The following BRMS1L variants were observed in gnomAD, a reference collection of about 807,000 sequenced individuals.
BRMS1L encodes the protein BRMS1 like transcriptional repressor.
A neutral mutation model predicts 50.3 loss-of-function variants in BRMS1L; 23 were observed. The ratio of observed to expected loss-of-function variants is 0.46; its 90% CI spans 0.33 to 0.65. The LOEUF is 0.65. Ranked by LOEUF, BRMS1L falls within the 30% of genes least tolerant of loss-of-function variation. The pLI is 0.02. For missense variants in BRMS1L, 286 were observed against 386.1 expected, an observed-to-expected ratio of 0.74 and a Z score of 2.17; for synonymous variants, 114 against 126.9, an observed-to-expected ratio of 0.90 and a Z score of 0.69.
chr14:35,863,733 A>C, intron 5 of BRMS1L, 137 bp from the exon 6 acceptor site: 1 of 673,842 alleles, frequency 1.5e-6, no homozygotes, highest in Non-Finnish European at 2.6e-6. Flanking sequence ...TGTACAGCTT[A>C]ATCTATATAT....
At chr14:35,862,564 T>G in intron 4 of BRMS1L, 26 bp from the exon 5 acceptor site, 1 of 1,510,880 alleles carries the variant, frequency 6.6e-7, no homozygotes, top group Non-Finnish European at 8.9e-7. Context: ...TCTTTCTACT[T>G]AAGTATAATC....
At chr14:35,868,105 C>T in intron 9 of BRMS1L, 73 bp downstream of exon 9, 1 of 1,449,278 alleles carries the variant, frequency 6.9e-7, no homozygotes, top group Non-Finnish European at 9.2e-7. Flanking sequence ...GAAATATTTC[C>T]TGCCTCCATA....
intron 4 of BRMS1L, among the ~76,000 whole-genome samples, chr14:35,854,934 G>A (rs1051084069): frequency 2.0e-5 from 3 of 152,232 alleles, no homozygotes; most frequent in Non-Finnish European, 4.4e-5. Context: ...AGTACATAGA[G>A]GTCATGCTTG....
At chr14:35,843,292 TG>T (rs2078090334) in intron 4 of BRMS1L, among the ~76,000 whole-genome samples, 1 of 152,230 alleles carries the variant, frequency 6.6e-6, no homozygotes, top group South Asian at 2.1e-4. Flanking sequence ...CTTTTTGCAC[TG>T]GTTTTTCCTC....
intron 6 of BRMS1L, among the ~76,000 whole-genome samples, chr14:35,864,417 C>T (rs1257228952): frequency 1.3e-5 from 2 of 151,976 alleles, no homozygotes; most frequent in African/African-American, 2.4e-5. Context: ...ACGTGCCACT[C>T]GCCTGGCTAA....
chr14:35,831,328 G>T, intron 1 of BRMS1L, 82 bp from the exon 2 acceptor site: 1 of 931,440 alleles, frequency 1.1e-6, no homozygotes, highest in Non-Finnish European at 1.7e-6. Context: ...CTTCCTATTT[G>T]AATTACGTTC....
chr14:35,839,058 G>A (rs2078029034), intron 4 of BRMS1L, among the ~76,000 whole-genome samples: 1 of 152,312 alleles, frequency 6.6e-6, no homozygotes, highest in Non-Finnish European at 1.5e-5. Context: ...TAAGGTATAA[G>A]GAAGGGGTCC....
rs757187388 is a variant in BRMS1L at position 35,834,932 on chromosome 14, A to C, written c.441+9A>C. ...CTCGCCAGCATTGTGAGGTACTGTC[A>C]TTTTGCATAACTTTTAAGCTAATTT... On this transcript the variant is annotated intron_variant, in intron 4 of 9. Transcript: ENST00000216807. 4 of 1,577,636 alleles carry C rather than the reference A, an allele frequency of 2.5e-6. No homozygotes were observed. The highest frequency in any genetic ancestry group is 3.4e-6 in the Non-Finnish European group (4 of 1,162,766).
intron 4 of BRMS1L, among the ~76,000 whole-genome samples, chr14:35,845,596 A>G (rs183682862): frequency 1.3e-5 from 2 of 152,324 alleles, no homozygotes; most frequent in East Asian, 1.9e-4. Context: ...TTAATTGTCA[A>G]TTCTCATACT....
intron 4 of BRMS1L, among the ~76,000 whole-genome samples, chr14:35,847,590 A>G (rs1198242527): frequency 3.3e-5 from 5 of 152,344 alleles, no homozygotes; most frequent in African/African-American, 1.2e-4. Flanking sequence ...ACCATTTGAG[A>G]TTTGGAGGCC....
Position 35,828,177 on chromosome 14 carries a change from T to G in BRMS1L, c.142+1519T>G, listed in dbSNP as rs568942348. Reference sequence around the variant, plus strand: ...ATTTCAGACATGTTGCTTTTTTTTTTCTTTTCTCTCTTTGAGATGGAGTCT... The same window carrying G: ...ATTTCAGACATGTTGCTTTTTTTTTGCTTTTCTCTCTTTGAGATGGAGTCT... On this transcript the variant is annotated intron_variant, in intron 1 of 9. Coordinates refer to ENST00000216807, the MANE Select transcript of BRMS1L (RefSeq NM_032352.4). 4.6e-5 allele frequency among the ~76,000 whole-genome samples: 7 copies of G among 152,240 alleles called. No homozygotes were observed. In the South Asian group the frequency reaches 1.2e-3, roughly 27 times the overall value.
At chr14:35,863,984 TC>T (rs35927985) in intron 6 of BRMS1L, 31 bp downstream of exon 6, 88 of 1,576,854 alleles carry the variant, frequency 5.6e-5, no homozygotes, top group Non-Finnish European at 7.1e-5. Context: ...TGTTTTTTTT[TC>T]CTTGATGTGC....
At chr14:35,848,125 T>C (rs1355031261) in intron 4 of BRMS1L, among the ~76,000 whole-genome samples, 1 of 152,224 alleles carries the variant, frequency 6.6e-6, no homozygotes, top group Non-Finnish European at 1.5e-5. Flanking sequence ...CAGACTGTTT[T>C]CTTTTTAAAA....
At chr14:35,868,965 G>T (rs932713659) in intron 9 of BRMS1L, among the ~76,000 whole-genome samples, 1 of 152,122 alleles carries the variant, frequency 6.6e-6, no homozygotes, top group Non-Finnish European at 1.5e-5. Flanking sequence ...AGTAGTGTAG[G>T]ATTTAATTCT....
chr14:35,853,023 G>T (rs373363441), intron 4 of BRMS1L, among the ~76,000 whole-genome samples: 1,618 of 118,382 alleles, frequency 0.014, 12 homozygotes, highest in African/African-American at 0.042. Flanking sequence ...TCTATATATA[G>T]AGAGAGAGAC....
Position 35,852,365 on chromosome 14 carries a change from C to A in BRMS1L, c.442-10225C>A, listed in dbSNP as rs117735906. 2.4e-4 allele frequency among the ~76,000 whole-genome samples: 37 copies of A among 152,246 alleles called. No homozygotes were observed. In the East Asian group the frequency reaches 6.0e-3, roughly 25 times the overall value. ...AGTTGGAATTACAGGCATGTGCCAC[C>A]CTGCATAGCTCCAGTGGTATTTTGA... On this transcript the variant is annotated intron_variant, in intron 4 of 9. Coordinates refer to ENST00000216807, the MANE Select transcript of BRMS1L (RefSeq NM_032352.4).
intron 4 of BRMS1L, among the ~76,000 whole-genome samples, chr14:35,846,394 TA>T (rs556829031): frequency 2.6e-3 from 320 of 121,560 alleles, no homozygotes; most frequent in Middle Eastern, 4.6e-3. Flanking sequence ...AGATCCTGTC[TA>T]AAAAAAAAAA....
chr14:35,860,335 A>G (rs995207806), intron 4 of BRMS1L, among the ~76,000 whole-genome samples: 1 of 151,940 alleles, frequency 6.6e-6, no homozygotes, highest in Non-Finnish European at 1.5e-5. Context: ...ACGAGGTTTC[A>G]CCATGTTGGC....
At chr14:35,835,424 T>G (rs954346575) in intron 4 of BRMS1L, among the ~76,000 whole-genome samples, 8 of 152,220 alleles carry the variant, frequency 5.3e-5, no homozygotes, top group South Asian at 4.1e-4. Flanking sequence ...TGCAATTTTT[T>G]TGTGTGTGTG....
Sources: gnomAD v4.1 joint callset for allele counts (sites outside exome capture counted in the v4.1 genomes callset) on GRCh38, gnomAD v4.1.1 for gene constraint, MANE v1.5 for transcripts, NCBI Gene and HGNC (gene_info 2026-07-23, HGNC 2026-07-21) for gene names.